Variants in TCF7L2 observed in about 807,000 individuals in gnomAD.
TCF7L2 encodes the protein transcription factor 7-like 2.
A neutral mutation model predicts 77.9 loss-of-function variants in TCF7L2; 23 were observed. The ratio of observed to expected loss-of-function variants is 0.30; its 90% CI spans 0.21 to 0.42. The LOEUF (loss-of-function observed/expected upper bound fraction) is 0.42, where lower values mean the gene tolerates loss of function less well. Among genes scored for constraint, TCF7L2 ranks in the 10% least tolerant of loss-of-function variants. The pLI is 1.00. For synonymous variants in TCF7L2, 413 were observed against 340.2 expected, an observed-to-expected ratio of 1.21 and a Z score of -2.36; for missense variants, 654 against 793.1, an observed-to-expected ratio of 0.82 and a Z score of 2.11.
At chr10:113,058,912 C>T (rs1442624833) in intron 5 of TCF7L2, among the ~76,000 whole-genome samples, 1 of 152,142 alleles carries the variant, frequency 6.6e-6, no homozygotes, top group Non-Finnish European at 1.5e-5. Flanking sequence ...AGTTAATGCC[C>T]GCTCTGCAAA....
intron 5 of TCF7L2, chr10:113,125,716 T>C (rs1343865201): frequency 6.6e-6 from 1 of 152,198 alleles, no homozygotes; most frequent in Non-Finnish European, 1.5e-5. Context: ...CTGCGCAAGG[T>C]GGCAAGATAA....
At chr10:113,061,973 G>A (rs1259965482) in intron 5 of TCF7L2, among the ~76,000 whole-genome samples, 2 of 152,284 alleles carry the variant, frequency 1.3e-5, no homozygotes, top group East Asian at 1.9e-4. Context: ...GGCAAACACC[G>A]TCATTCTACA....
At chr10:113,055,311 A>T (rs2055197603) in intron 5 of TCF7L2, among the ~76,000 whole-genome samples, 1 of 152,172 alleles carries the variant, frequency 6.6e-6, no homozygotes. Flanking sequence ...AATTTTTGCC[A>T]ATTTGCTGGG....
rs117884166 is a variant in TCF7L2 at position 113,112,908 on chromosome 10, G to A, written c.553-28276G>A. On this transcript the variant is annotated intron_variant, in intron 5 of 13. Coordinates refer to ENST00000627217, the MANE Select transcript of TCF7L2 (RefSeq NM_001146274.2). Reference sequence around the variant, plus strand: ...AAAAGAATAAAATAAAAGGTAGAAGGCTTTTCCCTGATTATGCTTTTCTGG... The same window carrying A: ...AAAAGAATAAAATAAAAGGTAGAAGACTTTTCCCTGATTATGCTTTTCTGG... 8.7e-3 allele frequency among the ~76,000 whole-genome samples: 1,322 copies of A among 152,216 alleles called. 12 individuals carry two copies. Among genetic ancestry groups the A allele is most frequent in the Non-Finnish European group, 0.015 (1,013 of 68,012 alleles).
intron 5 of TCF7L2, chr10:113,089,463 A>C: frequency 2.5e-6 from 4 of 1,613,710 alleles, no homozygotes; most frequent in Non-Finnish European, 3.4e-6. Flanking sequence ...CTCAGACTTC[A>C]CTGTCAGCAC....
At chr10:113,103,529 A>T (rs2061910474) in intron 5 of TCF7L2, among the ~76,000 whole-genome samples, 1 of 152,140 alleles carries the variant, frequency 6.6e-6, no homozygotes, top group Non-Finnish European at 1.5e-5. Context: ...TTAAAGAGGA[A>T]AGTCTGCTTT....
At position 113,038,627 on chromosome 10, in the gene TCF7L2, C is replaced by G. The variant is rs150577782; in HGVS notation, c.451-1398C>G. On this transcript the variant is annotated intron_variant, in intron 4 of 13. Coordinates refer to ENST00000627217, the MANE Select transcript of TCF7L2 (RefSeq NM_001146274.2). Reference sequence around the variant, plus strand: ...TTATCCTTTCCTGTCTTTTTTCTTTCTATTGAAATTGTTCTGACCATCAAG... The same window carrying G: ...TTATCCTTTCCTGTCTTTTTTCTTTGTATTGAAATTGTTCTGACCATCAAG... Among the ~76,000 whole-genome samples the G allele has an allele frequency of 2.0e-3, 298 of 152,098 alleles. 3 individuals carry two copies. Among genetic ancestry groups the G allele is most frequent in the African/African-American group, 6.2e-3 (259 of 41,514 alleles).
rs543707044 is a variant in TCF7L2 at position 112,993,140 on chromosome 10, C to T, written c.450+28516C>T. On this transcript the variant is annotated intron_variant, in intron 4 of 13. Coordinates refer to ENST00000627217, the MANE Select transcript of TCF7L2 (RefSeq NM_001146274.2). ...ACTTTCTCAAAACTGAGATTTGTCA[C>T]GTGTCCTCTCCCCACTCCATTTTGT... Among the ~76,000 whole-genome samples the T allele has an allele frequency of 4.6e-5, 7 of 152,252 alleles. No homozygotes were observed. The East Asian group carries it at 5.8e-4, about 13-fold the overall frequency.
chr10:112,984,981 C>T lies in TCF7L2; in HGVS notation c.450+20357C>T, dbSNP rs148249960. Among the ~76,000 whole-genome samples, 22 of 152,218 alleles carry T rather than the reference C, an allele frequency of 1.4e-4. No individual in the cohort carries two copies. The East Asian group carries it at 2.5e-3, about 17-fold the overall frequency. ...GCTGGGGACTCAAGTCAGCAGTGTC[C>T]GTTTATTGCCTGTGGGACCGCCCTG... On this transcript the variant is annotated intron_variant, in intron 4 of 13. Coordinates refer to ENST00000627217, the MANE Select transcript of TCF7L2 (RefSeq NM_001146274.2).
At chr10:113,020,805 T>C (rs1399183297) in intron 4 of TCF7L2, among the ~76,000 whole-genome samples, 1 of 152,090 alleles carries the variant, frequency 6.6e-6, no homozygotes, top group Non-Finnish European at 1.5e-5. Context: ...CAGTGTTGAA[T>C]GAATTCTGAG....
intron 6 of TCF7L2, 127 bp downstream of exon 6, chr10:113,141,443 C>T: frequency 3.0e-6 from 4 of 1,346,456 alleles, no homozygotes; most frequent in Non-Finnish European, 4.0e-6. Context: ...GGTGGGGGGG[C>T]CCCTGTTGCT....
chr10:113,044,902 G>C (rs1286507656), intron 5 of TCF7L2, among the ~76,000 whole-genome samples: 1 of 152,160 alleles, frequency 6.6e-6, no homozygotes, highest in East Asian at 1.9e-4. Context: ...GGAGTCATTT[G>C]AGCAGGTTGG....
intron 5 of TCF7L2, among the ~76,000 whole-genome samples, chr10:113,107,968 T>G (rs540619997): frequency 1.1e-4 from 17 of 152,126 alleles, no homozygotes; most frequent in African/African-American, 4.1e-4. Flanking sequence ...TAGTAAAAAC[T>G]GAATGTAAGG....
chr10:113,073,863 T>C (rs1028200113), intron 5 of TCF7L2, among the ~76,000 whole-genome samples: 1 of 152,218 alleles, frequency 6.6e-6, no homozygotes, highest in African/African-American at 2.4e-5. Flanking sequence ...GACGACTCCA[T>C]GTGCGAGTTG....
rs770907713 is a variant in TCF7L2, at chr10:113,158,652, G to A, written c.1318+583G>A. On this transcript the variant is annotated intron_variant, in intron 12 of 13. Transcript: ENST00000627217. ...AAATTTTGAAGGCTTTGTATAATTT[G>A]TTCTTTTTTTTCAGAACACAGCGAA... 2 of 1,613,208 alleles carry A rather than the reference G, an allele frequency of 1.2e-6. No individual in the cohort carries two copies. Among genetic ancestry groups the A allele is most frequent in the Admixed American group, 1.7e-5 (1 of 59,844 alleles).
At chr10:113,129,547 A>C in intron 5 of TCF7L2, 13 of 1,013,886 alleles carry the variant, frequency 1.3e-5, no homozygotes, top group Non-Finnish European at 1.5e-5. Context: ...TTATTAGTGG[A>C]CTTTTTTGTT....
At chr10:113,031,592 A>G (rs1236245587) in intron 4 of TCF7L2, among the ~76,000 whole-genome samples, 1 of 151,572 alleles carries the variant, frequency 6.6e-6, no homozygotes, top group East Asian at 1.9e-4. Flanking sequence ...GGTTCAAGCA[A>G]TTCTCCTGCT....
At chr10:113,015,446 CTT>C (rs67005436) in intron 4 of TCF7L2, among the ~76,000 whole-genome samples, 165 of 103,204 alleles carry the variant, frequency 1.6e-3, no homozygotes, top group African/African-American at 3.4e-3. Context: ...GCCTGATGAG[CTT>C]TTTTTTTTTT....
intron 5 of TCF7L2, among the ~76,000 whole-genome samples, chr10:113,090,033 C>G (rs1184439316): frequency 6.6e-6 from 1 of 152,214 alleles, no homozygotes; most frequent in Non-Finnish European, 1.5e-5. Flanking sequence ...CTACCTGAGG[C>G]AGCCGTGAAT....
Sources: allele counts gnomAD v4.1 joint callset (sites outside exome capture counted in the v4.1 genomes callset), GRCh38; gene constraint gnomAD v4.1.1; transcripts MANE v1.5; gene names NCBI Gene and HGNC (gene_info 2026-07-23, HGNC 2026-07-21).